Variants in GPM6B observed in about 807,000 individuals in gnomAD.
GPM6B encodes neuronal membrane glycoprotein M6-b.
Under a neutral mutation model 27.2 loss-of-function variants are expected in GPM6B, and 4 were observed. The ratio of observed to expected loss-of-function variants is 0.15; its 90% CI spans 0.07 to 0.34. The LOEUF is 0.34. Ranked by LOEUF, GPM6B falls within the 10% of genes least tolerant of loss-of-function variation. The probability of loss-of-function intolerance (pLI) is 1.00; values close to 1 mark genes in which losing one functional copy is unlikely to be tolerated. For missense variants in GPM6B, 183 were observed against 261.9 expected (o/e 0.70, Z 2.08); for synonymous variants, 124 against 103.1 (o/e 1.20, Z -1.23).
chrX:13,913,820 CG>C (rs2050402751), intron 1 of GPM6B, among the ~76,000 whole-genome samples: 1 of 111,536 alleles, frequency 9.0e-6, no homozygotes, highest in African/African-American at 3.3e-5. Context: ...GGCATGAACA[CG>C]GCTCTCCACA....
rs2049026007 is a variant in GPM6B at position 13,806,588 on chromosome X, C to T, written c.181+1062G>A. On this transcript the variant is annotated intron_variant, in intron 2 of 7. Transcript: ENST00000316715. ...CCCAAGACAGAACTAAATCCAACGTCAGATTTCATTTTAATTAACCTGACA... is the reference window on the plus strand; with the variant it reads ...CCCAAGACAGAACTAAATCCAACGTTAGATTTCATTTTAATTAACCTGACA... 2.7e-5 allele frequency among the ~76,000 whole-genome samples: 3 copies of T among 111,708 alleles called. No individual in the cohort carries two copies. In the Admixed American group the frequency reaches 2.8e-4, roughly 11 times the overall value.
intron 1 of GPM6B, among the ~76,000 whole-genome samples, chrX:13,877,824 CAAAAAAAAAAAAA>C (rs761891419): frequency 1.8e-4 from 5 of 27,466 alleles, no homozygotes; most frequent in Middle Eastern, 0.053. Flanking sequence ...CAGACTCTGC[CAAAAAAAAAAAAA>C]AAAAAAAAAA....
chrX:13,797,296 T>A (rs893350619), intron 2 of GPM6B, among the ~76,000 whole-genome samples: 2 of 111,155 alleles, frequency 1.8e-5, no homozygotes, highest in Admixed American at 9.6e-5. Context: ...TAAAGTAGAA[T>A]AAAGAGAGTG....
At chrX:13,803,697 G>C (rs1603022803) in intron 2 of GPM6B, among the ~76,000 whole-genome samples, 1 of 111,902 alleles carries the variant, frequency 8.9e-6, no homozygotes, top group Admixed American at 9.4e-5. Flanking sequence ...AGGGAGATGA[G>C]AGACATTTGA....
chrX:13,926,169 C>T (rs941674226), intron 1 of GPM6B, among the ~76,000 whole-genome samples: 1 of 108,510 alleles, frequency 9.2e-6, no homozygotes, highest in Non-Finnish European at 1.9e-5. Flanking sequence ...TTTGGGAGGC[C>T]GAGGCAGGCA....
At chrX:13,889,041 T>C (rs2050164527) in intron 1 of GPM6B, 1 of 111,601 alleles carries the variant, frequency 9.0e-6, no homozygotes, top group Non-Finnish European at 1.9e-5. Flanking sequence ...TTTTCCGTCT[T>C]GATGCACGTT....
chrX:13,903,979 C>A (rs965515557), intron 1 of GPM6B, among the ~76,000 whole-genome samples: 6 of 110,947 alleles, frequency 5.4e-5, no homozygotes, highest in Non-Finnish European at 1.1e-4. Flanking sequence ...AGGTTCTCCC[C>A]ATTATGAAGA....
chrX:13,796,114 G>A (rs1449835686), intron 2 of GPM6B, among the ~76,000 whole-genome samples: 4 of 111,099 alleles, frequency 3.6e-5, no homozygotes, highest in South Asian at 3.8e-4. Flanking sequence ...TAGTAGAGAC[G>A]GGGTTTCTCC....
intron 2 of GPM6B, among the ~76,000 whole-genome samples, chrX:13,791,795 A>G (rs1162155306): frequency 9.0e-6 from 1 of 111,032 alleles, no homozygotes; most frequent in Non-Finnish European, 1.9e-5. Flanking sequence ...GTTGTCTGTG[A>G]TCTTGGCTGC....
At chrX:13,837,227 A>G (rs2049506427) in intron 1 of GPM6B, among the ~76,000 whole-genome samples, 1 of 110,320 alleles carries the variant, frequency 9.1e-6, no homozygotes, top group East Asian at 2.9e-4. Context: ...CAACCTTGAT[A>G]TCTCATAAAG....
In GPM6B at chrX:13,785,766, T is replaced by C. The variant is rs1423230425; in HGVS notation, c.224A>G (p.Tyr75Cys). The change falls in exon 3 of 8, where the codon TAC becomes TGC. Residue 75 changes from tyrosine to cysteine, a missense_variant. Coordinates refer to ENST00000316715, the MANE Select transcript of GPM6B (RefSeq NM_001001995.3). ...CCIKCLGGVP[Y>C]ASLVATILCF... ...GAGGATGGTGGCCACCAGGGAGGCG[T>C]AGGGGACTCCTCCCAGACACTTGAT... The C allele has an allele frequency of 8.3e-7, 1 of 1,208,998 alleles. No individual in the cohort carries two copies. The highest frequency in any genetic ancestry group is 1.1e-6 in the Non-Finnish European group (1 of 894,648).
chrX:13,797,280 T>C (rs1216906147), intron 2 of GPM6B, among the ~76,000 whole-genome samples: 1 of 110,920 alleles, frequency 9.0e-6, no homozygotes, highest in Non-Finnish European at 1.9e-5. Context: ...ACACATAAGG[T>C]ATCACTAAAG....
chrX:13,856,443 A>AC (rs1473065238), intron 1 of GPM6B, among the ~76,000 whole-genome samples: 2 of 110,962 alleles, frequency 1.8e-5, no homozygotes, highest in African/African-American at 3.3e-5. Flanking sequence ...CCATCCTCAG[A>AC]CCCCCCTGAA....
chrX:13,778,911 TAAGGTA>T (rs1309851394), intron 5 of GPM6B, among the ~76,000 whole-genome samples: 1 of 112,061 alleles, frequency 8.9e-6, no homozygotes, highest in Non-Finnish European at 1.9e-5. Flanking sequence ...TATTATGTTG[TAAGGTA>T]AGATGTTGAG....
chrX:13,906,805 G>A (rs766035767), intron 1 of GPM6B, among the ~76,000 whole-genome samples: 1 of 111,951 alleles, frequency 8.9e-6, no homozygotes, highest in East Asian at 2.8e-4. Flanking sequence ...TTAATGATCA[G>A]ATATTCCCAA....
chrX:13,913,449 A>G (rs1042709049), intron 1 of GPM6B, among the ~76,000 whole-genome samples: 1 of 110,960 alleles, frequency 9.0e-6, no homozygotes, highest in African/African-American at 3.3e-5. Flanking sequence ...CACCATGCCC[A>G]GCCTCCATTC....
At chrX:13,808,296 A>G (rs749187745) in intron 1 of GPM6B, among the ~76,000 whole-genome samples, 1 of 112,255 alleles carries the variant, frequency 8.9e-6, no homozygotes, top group African/African-American at 3.2e-5. Context: ...ACCTTATCTT[A>G]AACTCAGAAC....
chrX:13,931,474 T>C (rs184180291), intron 1 of GPM6B, among the ~76,000 whole-genome samples: 2,178 of 106,058 alleles, frequency 0.021, 23 homozygotes, highest in Non-Finnish European at 0.026. Flanking sequence ...GGCTACAGAG[T>C]GAGACTCCTT....
chrX:13,784,719 G>A (rs764250559), intron 3 of GPM6B, among the ~76,000 whole-genome samples: 1 of 111,936 alleles, frequency 8.9e-6, no homozygotes, highest in South Asian at 3.7e-4. Context: ...ATGTGTGGGA[G>A]TCACTGCGAC....
Sources: allele counts gnomAD v4.1 joint callset (sites outside exome capture counted in the v4.1 genomes callset), GRCh38; gene constraint gnomAD v4.1.1; transcripts MANE v1.5; gene names NCBI Gene and HGNC (gene_info 2026-07-23, HGNC 2026-07-21).